The following EVA1A variants were observed in gnomAD, a reference collection of about 807,000 sequenced individuals.
EVA1A encodes the protein eva-1 homolog A, regulator of programmed cell death, also known as protein eva-1 homolog A.
In EVA1A, 7 loss-of-function variants were observed where a neutral mutation model predicts 9.8. The ratio of observed to expected loss-of-function variants is 0.71; its 90% CI spans 0.41 to 1.34. The LOEUF (loss-of-function observed/expected upper bound fraction) is 1.34. EVA1A is among the 40% of genes most tolerant of loss of function. The pLI is 0.01. For missense variants in EVA1A, 206 were observed against 205.9 expected (o/e 1.00, Z 0.00); for synonymous variants, 90 against 85.6 (o/e 1.05, Z -0.28).
In EVA1A at chr2:75,518,622, G is replaced by C. The variant is rs73938931; in HGVS notation, c.-68-414C>G. 3.5e-3 allele frequency: 3,423 copies of C among 987,920 alleles called. 95 individuals carry two copies. In the African/African-American group the frequency reaches 0.056, roughly 16 times the overall value. 61.2% of individuals were successfully genotyped at this position (987,920 alleles called of 1,614,324 possible). ...CTGCCCTGTATCTTCCTAATTCCCA[G>C]TAAACAATTCCCCCTTACCACTTCT... On this transcript the variant is annotated intron_variant, in intron 2 of 3. Coordinates refer to ENST00000393913, the MANE Select transcript of EVA1A (RefSeq NM_001135032.2).
At chr2:75,539,472 C>G (rs2588494) in intron 1 of EVA1A, among the ~76,000 whole-genome samples, 1 of 152,128 alleles carries the variant, frequency 6.6e-6, no homozygotes. Flanking sequence ...ATCTTTAAAA[C>G]GAGGCTAATG....
At chr2:75,510,544 G>A (rs1674774476) in intron 3 of EVA1A, among the ~76,000 whole-genome samples, 2 of 152,174 alleles carry the variant, frequency 1.3e-5, no homozygotes, top group Non-Finnish European at 2.9e-5. Context: ...TCATACCAAT[G>A]TCATGGGAAA....
At chr2:75,567,566 G>A (rs565132407) in intron 1 of EVA1A, among the ~76,000 whole-genome samples, 1 of 152,206 alleles carries the variant, frequency 6.6e-6, no homozygotes, top group Non-Finnish European at 1.5e-5. Context: ...TCCCTGAAGA[G>A]TGTACACTAA....
chr2:75,564,600 G>C (rs1354940139), upstream of EVA1A, among the ~76,000 whole-genome samples: 4 of 152,204 alleles, frequency 2.6e-5, no homozygotes, highest in Non-Finnish European at 5.9e-5. Flanking sequence ...AGATGTGATA[G>C]TTTTAATTCT....
At chr2:75,565,921 A>ATG (rs2104007898), upstream of EVA1A, among the ~76,000 whole-genome samples, 1 of 152,302 alleles carries the variant, frequency 6.6e-6, no homozygotes, top group South Asian at 2.1e-4. Context: ...TGAAAAGAAA[A>ATG]TGTATACTTG....
At chr2:75,510,029 ATATGTTT>A (rs1430595603) in intron 3 of EVA1A, among the ~76,000 whole-genome samples, 1 of 152,144 alleles carries the variant, frequency 6.6e-6, no homozygotes, top group Admixed American at 6.6e-5. Context: ...GGTATTTTGT[ATATGTTT>A]TTAATGTTCT....
At chr2:75,518,431 T>C (rs899117527) in intron 2 of EVA1A, among the ~76,000 whole-genome samples, 2 of 152,138 alleles carry the variant, frequency 1.3e-5, no homozygotes, top group African/African-American at 4.8e-5. Flanking sequence ...GTGAAAACTA[T>C]GCTTGCAAAA....
chr2:75,514,881 A>G (rs1674950468), intron 3 of EVA1A, among the ~76,000 whole-genome samples: 1 of 152,098 alleles, frequency 6.6e-6, no homozygotes, highest in Admixed American at 6.6e-5. Flanking sequence ...GATATTGTCA[A>G]ATTATTTTTT....
intron 3 of EVA1A, among the ~76,000 whole-genome samples, chr2:75,514,586 AC>A (rs888286169): frequency 6.6e-6 from 1 of 152,162 alleles, no homozygotes; most frequent in African/African-American, 2.4e-5. Context: ...ATATACCTTC[AC>A]CTACAAAAAT....
chr2:75,518,497 A>G, intron 2 of EVA1A: 2 of 715,070 alleles, frequency 2.8e-6, no homozygotes, highest in Non-Finnish European at 3.5e-6. Flanking sequence ...TGGGGCCACA[A>G]AGATTTGGGG....
intron 3 of EVA1A, among the ~76,000 whole-genome samples, chr2:75,514,932 G>GT (rs370380229): frequency 6.6e-6 from 1 of 152,302 alleles, no homozygotes; most frequent in African/African-American, 2.4e-5. Context: ...AGCACGATGT[G>GT]TAAGTACTCA....
chr2:75,528,114 C>T (rs1262876104), intron 1 of EVA1A, among the ~76,000 whole-genome samples: 2 of 152,130 alleles, frequency 1.3e-5, no homozygotes, highest in East Asian at 3.8e-4. Flanking sequence ...GGAAGCCCAG[C>T]GAAGCCATTT....
intron 1 of EVA1A, among the ~76,000 whole-genome samples, chr2:75,543,288 T>C (rs538986888): frequency 2.4e-4 from 36 of 152,138 alleles, no homozygotes; most frequent in Non-Finnish European, 3.8e-4. Context: ...TCCTAATCAG[T>C]GGGGCTTCCC....
chr2:75,537,755 C>T (rs1675967253), intron 1 of EVA1A, among the ~76,000 whole-genome samples: 4 of 152,060 alleles, frequency 2.6e-5, no homozygotes, highest in African/African-American at 7.2e-5. Context: ...TTACTTTATG[C>T]GAGAGCTGAC....
intron 1 of EVA1A, among the ~76,000 whole-genome samples, chr2:75,542,865 T>A (rs112829433): frequency 7.2e-5 from 11 of 152,268 alleles, no homozygotes; most frequent in African/African-American, 2.2e-4. Context: ...TAGGTTGGAA[T>A]CATATTGTGA....
chr2:75,534,234 G>T (rs1204827873), intron 1 of EVA1A, among the ~76,000 whole-genome samples: 1 of 151,946 alleles, frequency 6.6e-6, no homozygotes. Flanking sequence ...GAGAGACTTT[G>T]TCTCAAAAAT....
chr2:75,538,983 T>C (rs1312516259), intron 1 of EVA1A, among the ~76,000 whole-genome samples: 1 of 152,226 alleles, frequency 6.6e-6, no homozygotes, highest in Non-Finnish European at 1.5e-5. Context: ...CACGATGTCA[T>C]CACTGGGGAA....
At chr2:75,562,627 T>C (rs1377865924), upstream of EVA1A, among the ~76,000 whole-genome samples, 2 of 152,302 alleles carry the variant, frequency 1.3e-5, no homozygotes, top group East Asian at 3.9e-4. Flanking sequence ...CGACCTCTGT[T>C]TCCTTATCTG....
chr2:75,538,390 G>A (rs1675994547), intron 1 of EVA1A, among the ~76,000 whole-genome samples: 1 of 152,172 alleles, frequency 6.6e-6, no homozygotes, highest in African/African-American at 2.4e-5. Context: ...CATATACTAA[G>A]AGTGAACACT....
Sources: gnomAD v4.1 joint callset for allele counts (sites outside exome capture counted in the v4.1 genomes callset) on GRCh38, gnomAD v4.1.1 for gene constraint, MANE v1.5 for transcripts, NCBI Gene and HGNC (gene_info 2026-07-23, HGNC 2026-07-21) for gene names.